Variants in CRNN observed in about 807,000 individuals in gnomAD.
The protein encoded by CRNN is 53 kDa putative calcium-binding protein.
In CRNN, 39 loss-of-function variants were observed where a neutral mutation model predicts 44.7. The observed-to-expected ratio is 0.87, with a 90% CI of 0.68 to 1.14. CRNN has a LOEUF of 1.14. CRNN is among the 50% of genes most tolerant of loss of function. CRNN has a pLI of 0.00. For synonymous variants in CRNN, 240 were observed against 231.8 expected (o/e 1.04, Z -0.32); for missense variants, 606 against 605.1 (o/e 1.00, Z -0.02).
rs766206346 is a variant in CRNN, at chr1:152,412,096, C to T, written c.138G>A (p.Val46=). ...CTCCACCCGGCTCAGCACACCGTACCACAATCACATCGGCAAACTCTTGCT... is the reference window on the plus strand; with the variant it reads ...CTCCACCCGGCTCAGCACACCGTACTACAATCACATCGGCAAACTCTTGCT... ...LLEQEFADVI[V]KPHDPATVDE... The change falls in exon 2 of 3, where the codon GTG becomes GTA. Residue 46 remains valine (V), a splice_region_variant and synonymous_variant. Coordinates refer to ENST00000271835, the MANE Select transcript of CRNN (RefSeq NM_016190.3). 8 of 1,605,902 alleles carry T rather than the reference C, an allele frequency of 5.0e-6. No homozygotes were observed. In the African/African-American group the frequency reaches 1.1e-4, roughly 21 times the overall value.
chr1:152,411,404 G>C (rs1655760664), intron 2 of CRNN, among the ~76,000 whole-genome samples: 1 of 152,160 alleles, frequency 6.6e-6, no homozygotes, highest in Admixed American at 6.5e-5. Context: ...CCATGATAAA[G>C]AGGGAGGGAA....
intron 2 of CRNN, 76 bp downstream of exon 2, chr1:152,412,020 A>G: frequency 9.8e-7 from 1 of 1,022,934 alleles, no homozygotes; most frequent in Non-Finnish European, 1.3e-6. Context: ...CAAATTCCCC[A>G]GGCAAGGCCT....
chr1:152,409,615 G>A lies in CRNN; in HGVS notation c.1467C>T (p.Tyr489=), dbSNP rs757653173. 2 of 1,612,278 alleles carry A rather than the reference G, an allele frequency of 1.2e-6. No homozygotes were observed. The highest frequency in any genetic ancestry group is 1.3e-5 in the African/African-American group (1 of 75,054). The part of the protein sequence containing the change: ...RGITARELYS[Y]LRSTKP ...GAAGTCATGGCTTGGTGCTTCTCAA[G>A]TAGGAATACAGCTCTCTAGCTGTGA... is the stretch of plus-strand genomic sequence containing the variant. The change falls in exon 3 of 3, where the codon TAC becomes TAT. Residue 489 remains tyrosine (Y), a synonymous_variant. Transcript: ENST00000271835.
chr1:152,411,296 C>A (rs942360528), intron 2 of CRNN, among the ~76,000 whole-genome samples: 1 of 152,192 alleles, frequency 6.6e-6, no homozygotes, highest in Non-Finnish European at 1.5e-5. Context: ...GGCACTGAGG[C>A]CTTAGTCTCT....
At position 152,409,811 on chromosome 1, in the gene CRNN, C is replaced by G. The variant is rs150002541; in HGVS notation, c.1271G>C (p.Arg424Pro). ...GTCTCCCTGCCCTTCTGTCACACAGCGCCTTGGGTGAGTGCTGCTCCACTC... is the reference window on the plus strand; with the variant it reads ...GTCTCCCTGCCCTTCTGTCACACAGGGCCTTGGGTGAGTGCTGCTCCACTC... ...RQEWSSTHPR[R>P]CVTEGQGDRQ... Residue 424 changes from arginine to proline, a missense_variant, in exon 3 of 3, where the codon CGC (arginine) becomes CCC (proline). Transcript: ENST00000271835. 8 of 1,614,212 alleles carry G rather than the reference C, an allele frequency of 5.0e-6. No individual in the cohort carries two copies. The African/African-American group carries it at 9.3e-5, about 19-fold the overall frequency.
Position 152,410,529 on chromosome 1 carries a change from G to A in CRNN, c.553C>T (p.Leu185Phe). 6.2e-7 allele frequency: 1 copy of A among 1,614,190 alleles called. No homozygotes were observed. The highest frequency in any genetic ancestry group is 8.5e-7 in the Non-Finnish European group (1 of 1,180,038). The change falls in exon 3 of 3, where the codon CTC becomes TTC. Residue 185 changes from leucine (L) to phenylalanine (F), a missense_variant. Physicochemically the swap from Leu to Phe is conservative, Grantham distance 22 (BLOSUM62 0). Transcript: ENST00000271835. ...TGGGTCTGCTCTGTCTGCCCAGAGAGTTGTATCTGCGGGCTTATTCTTTCC... is the reference window on the plus strand; with the variant it reads ...TGGGTCTGCTCTGTCTGCCCAGAGAATTGTATCTGCGGGCTTATTCTTTCC... ...SQERISPQIQ[L>F]SGQTEQTQKA...
In CRNN at chr1:152,412,162, G is replaced by A. The variant is rs765490125; in HGVS notation, c.72C>T (p.Asn24=). 6.2e-7 allele frequency: 1 copy of A among 1,613,800 alleles called. No homozygotes were observed. Among genetic ancestry groups the A allele is most frequent in the Non-Finnish European group, 8.5e-7 (1 of 1,179,704 alleles). The change falls in exon 2 of 3, where the codon AAC becomes AAT. Residue 24 remains asparagine (N), a synonymous_variant. Transcript: ENST00000271835. ...GCTCCCCTCGGGTGAGCGCTGTGCAGTTGCCCTCCGTCCTTGCATAGCGCC... is the reference window on the plus strand; with the variant it reads ...GCTCCCCTCGGGTGAGCGCTGTGCAATTGCCCTCCGTCCTTGCATAGCGCC... ...AFRRYARTEG[N]CTALTRGELK... is the part of the protein sequence containing the mutation.
intron 2 of CRNN, 78 bp downstream of exon 2, chr1:152,412,018 C>T: frequency 7.5e-7 from 1 of 1,336,626 alleles, no homozygotes; most frequent in Non-Finnish European, 9.7e-7. Flanking sequence ...CTCAAATTCC[C>T]CAGGCAAGGC....
intron 2 of CRNN, 22 bp downstream of exon 2, chr1:152,412,074 C>T: frequency 6.3e-7 from 1 of 1,582,790 alleles, no homozygotes; most frequent in South Asian, 1.1e-5. Flanking sequence ...GTCCCCTCTC[C>T]ACCCGGCTCA....
chr1:152,413,404 T>C (rs1437046312), intron 1 of CRNN, among the ~76,000 whole-genome samples: 3 of 151,966 alleles, frequency 2.0e-5, no homozygotes, highest in African/African-American at 7.3e-5. Flanking sequence ...CAAGGGGAGA[T>C]GGAGCCTGTA....
intron 2 of CRNN, 88 bp from the exon 3 acceptor site, chr1:152,411,031 C>G: frequency 6.7e-7 from 1 of 1,494,524 alleles, no homozygotes; most frequent in Non-Finnish European, 8.8e-7. Context: ...CTTCCCCTGC[C>G]TCAGACCCCA....
chr1:152,410,938 G>A lies in CRNN; in HGVS notation c.144C>T (p.Pro48=). 1 of 1,602,704 alleles carries A rather than the reference G, an allele frequency of 6.2e-7. No homozygotes were observed. Among genetic ancestry groups the A allele is most frequent in the Non-Finnish European group, 8.5e-7 (1 of 1,174,346 alleles). ...CCTCATCCACAGTTGCTGGATCGTG[G>A]GGTTTCTGAGGAGAAGATGAGGTGG... The part of the protein sequence containing the change: ...EQEFADVIVK[P]HDPATVDEVL... The change falls in exon 3 of 3, where the codon CCC becomes CCT. Residue 48 remains proline, a synonymous_variant. Coordinates refer to ENST00000271835, the MANE Select transcript of CRNN (RefSeq NM_016190.3).
chr1:152,412,246 C>T lies in CRNN; in HGVS notation c.-13G>A, dbSNP rs769134600. The T allele has an allele frequency of 6.3e-7, 1 of 1,599,028 alleles. No homozygotes were observed. Among genetic ancestry groups the T allele is most frequent in the Non-Finnish European group, 8.6e-7 (1 of 1,168,058 alleles). ...GTAACTGAGGCATCTTTGAAGTCAA[C>T]CTGGAAAAGATGAAAAGTTCCCTTG... is the stretch of plus-strand genomic sequence containing the variant. On this transcript the variant is annotated splice_region_variant and 5_prime_UTR_variant, in exon 2 of 3. Transcript: ENST00000271835.
Position 152,410,418 on chromosome 1 carries a change from G to T in CRNN, c.664C>A (p.Gln222Lys), listed in dbSNP as rs1655719613. 3 of 1,614,154 alleles carry T rather than the reference G, an allele frequency of 1.9e-6. No individual in the cohort carries two copies. Among genetic ancestry groups the T allele is most frequent in the Non-Finnish European group, 2.5e-6 (3 of 1,180,022 alleles). ...PQTREQDRAH[Q>K]TGETVTGSGT... ...GATCCAGTCACAGTCTCACCTGTCT[G>T]GTGGGCTCTGTCCTGTTCCCTGGTC... is the stretch of plus-strand genomic sequence containing the variant. Residue 222 changes from glutamine to lysine, a missense_variant, in exon 3 of 3, where the codon CAG becomes AAG. Coordinates refer to ENST00000271835, the MANE Select transcript of CRNN (RefSeq NM_016190.3).
rs201282523 is a variant in CRNN, at chr1:152,410,596, C to G, written c.486G>C (p.Ala162=). The G allele has an allele frequency of 1.2e-6, 2 of 1,614,120 alleles. No individual in the cohort carries two copies. Among genetic ancestry groups the G allele is most frequent in the Admixed American group, 3.3e-5 (2 of 60,024 alleles). ...CTTGCCTGTCATAGCTGCTGACCCA[C>G]GCAGAGCCAGTGGCCTGACCCTGGG... ...VQTQGQATGS[A]WVSSYDRQAE... The change falls in exon 3 of 3, where the codon GCG becomes GCC. Residue 162 remains alanine (A), a synonymous_variant. Transcript: ENST00000271835.
chr1:152,410,441 G>C lies in CRNN; in HGVS notation c.641C>G (p.Thr214Ser). Residue 214 changes from threonine (T) to serine (S), a missense_variant, in exon 3 of 3, where the codon ACC (threonine) becomes AGC (serine). Transcript: ENST00000271835. Reference sequence around the variant, plus strand: ...CTGGTGGGCTCTGTCCTGTTCCCTGGTCTGTGGCTGTCTCTCTGGCCTCAT... The same window carrying C: ...CTGGTGGGCTCTGTCCTGTTCCCTGCTCTGTGGCTGTCTCTCTGGCCTCAT... ...TEMRPERQPQ[T>S]REQDRAHQTG... The C allele has an allele frequency of 6.2e-7, 1 of 1,614,112 alleles. No individual in the cohort carries two copies. Among genetic ancestry groups the C allele is most frequent in the Non-Finnish European group, 8.5e-7 (1 of 1,180,024 alleles).
intron 1 of CRNN, 115 bp from the exon 2 acceptor site, chr1:152,412,361 C>A: frequency 9.5e-7 from 1 of 1,050,286 alleles, no homozygotes; most frequent in Non-Finnish European, 1.4e-6. Context: ...TTTAGTTTTC[C>A]TTTGTCCTTT....
chr1:152,409,283 G>A lies in CRNN; in HGVS notation c.*311C>T, dbSNP rs555741425. On this transcript the variant is annotated 3_prime_UTR_variant, in exon 3 of 3. Transcript: ENST00000271835. ...TTTATTGATGCATTAGGGTAGATGG[G>A]GCAATAGAGAGATGTCAGAGATAAA... 4.2e-5 allele frequency: 15 copies of A among 353,858 alleles called. No individual in the cohort carries two copies. The highest frequency in any genetic ancestry group is 2.2e-4 in the Admixed American group (5 of 22,410). 21.9% of individuals were successfully genotyped at this position (353,858 alleles called of 1,614,324 possible). A position where few individuals can be genotyped will look rare whatever the true frequency, so the allele number is the denominator to read the frequency against.
Position 152,412,076 on chromosome 1 carries a change from C to A in CRNN, c.138+20G>T. The A allele has an allele frequency of 1.3e-6, 2 of 1,585,070 alleles. No homozygotes were observed. Among genetic ancestry groups the A allele is most frequent in the Non-Finnish European group, 8.6e-7 (1 of 1,159,058 alleles). ...ACTCTCCTGCTATGTCCCCTCTCCA[C>A]CCGGCTCAGCACACCGTACCACAAT... On this transcript the variant is annotated intron_variant, in intron 2 of 2. Coordinates refer to ENST00000271835, the MANE Select transcript of CRNN (RefSeq NM_016190.3).
Sources: allele counts gnomAD v4.1 joint callset (sites outside exome capture counted in the v4.1 genomes callset), GRCh38; gene constraint gnomAD v4.1.1; transcripts MANE v1.5; gene names NCBI Gene and HGNC (gene_info 2026-07-23, HGNC 2026-07-21).